ROBO2: variants seen among roughly 807,000 people sequenced by gnomAD.
The protein encoded by ROBO2 is roundabout guidance receptor 2, also known as roundabout homolog 2.
ROBO2 carries 53 observed loss-of-function variants against 160.8 expected under a neutral mutation model. The ratio of observed to expected loss-of-function variants is 0.33; its 90% confidence interval spans 0.26 to 0.41. The LOEUF is 0.41. Ranked by LOEUF, ROBO2 falls within the 10% of genes least tolerant of loss-of-function variation. The pLI, the probability that ROBO2 is intolerant of heterozygous loss-of-function variation, is 1.00. For synonymous variants in ROBO2, 664 were observed against 611.7 expected (o/e 1.09, Z -1.26); for missense variants, 1,577 against 1,722.4 (o/e 0.92, Z 1.49).
chr3:76,898,565 T>C (rs546777956), intron 2 of ROBO2, among the ~76,000 whole-genome samples: 5 of 152,164 alleles, frequency 3.3e-5, no homozygotes, highest in Non-Finnish European at 5.9e-5. Context: ...TATTTGGTAT[T>C]CATCATCTCA....
At chr3:77,637,911 C>A (rs896057568) in intron 24 of ROBO2, among the ~76,000 whole-genome samples, 3 of 151,984 alleles carry the variant, frequency 2.0e-5, no homozygotes, top group African/African-American at 7.2e-5. Context: ...GCTTATCTTT[C>A]TAAAAAATAA....
chr3:76,143,081 C>T (rs1367625610), intron 2 of ROBO2, among the ~76,000 whole-genome samples: 1 of 151,988 alleles, frequency 6.6e-6, no homozygotes, highest in Non-Finnish European at 1.5e-5. Context: ...GGCTGGAGTT[C>T]AATGGCACAA....
At chr3:75,978,153 A>G (rs1291826626) in intron 2 of ROBO2, among the ~76,000 whole-genome samples, 1 of 151,544 alleles carries the variant, frequency 6.6e-6, no homozygotes, top group East Asian at 1.9e-4. Flanking sequence ...GTAGAGAATT[A>G]TAGTAACACT....
At chr3:77,266,237 T>C (rs538810032) in intron 2 of ROBO2, among the ~76,000 whole-genome samples, 8 of 152,166 alleles carry the variant, frequency 5.3e-5, no homozygotes, top group Admixed American at 3.9e-4. Flanking sequence ...CTTGGGCATC[T>C]TTCAGAATCC....
At chr3:76,946,187 T>G (rs1272229682) in intron 2 of ROBO2, among the ~76,000 whole-genome samples, 1 of 152,198 alleles carries the variant, frequency 6.6e-6, no homozygotes, top group African/African-American at 2.4e-5. Flanking sequence ...AAGTTCTGAG[T>G]AGTCATCAGA....
At chr3:77,269,721 A>G (rs1017402619) in intron 2 of ROBO2, among the ~76,000 whole-genome samples, 1 of 152,160 alleles carries the variant, frequency 6.6e-6, no homozygotes, top group South Asian at 2.1e-4. Context: ...CATCTATAAT[A>G]TATGTATTTC....
intron 2 of ROBO2, among the ~76,000 whole-genome samples, chr3:76,545,027 C>T (rs1024175349): frequency 2.0e-5 from 3 of 151,914 alleles, no homozygotes; most frequent in East Asian, 1.9e-4. Context: ...TAAACTTACA[C>T]AGAAGATACA....
At chr3:76,771,976 A>G (rs2061934454) in intron 2 of ROBO2, among the ~76,000 whole-genome samples, 1 of 151,304 alleles carries the variant, frequency 6.6e-6, no homozygotes, top group Admixed American at 6.6e-5. Context: ...TACAAATATT[A>G]TCGTTGCTAC....
intron 2 of ROBO2, among the ~76,000 whole-genome samples, chr3:77,029,776 C>T (rs181365260): frequency 9.1e-4 from 139 of 152,124 alleles, no homozygotes; most frequent in Admixed American, 3.1e-3. Context: ...AAACCACTGG[C>T]CATTGCAATA....
chr3:77,290,114 C>A (rs2061009463), intron 2 of ROBO2, among the ~76,000 whole-genome samples: 1 of 151,894 alleles, frequency 6.6e-6, no homozygotes, highest in Non-Finnish European at 1.5e-5. Flanking sequence ...GAGGCTAGAT[C>A]ACCAAAGACA....
intron 2 of ROBO2, among the ~76,000 whole-genome samples, chr3:76,078,262 A>T (rs1223174812): frequency 6.6e-6 from 1 of 152,154 alleles, no homozygotes; most frequent in African/African-American, 2.4e-5. Flanking sequence ...ACATTTTTTC[A>T]TAGAAACAGA....
At chr3:77,124,618 G>T (rs908937142) in intron 2 of ROBO2, among the ~76,000 whole-genome samples, 1 of 152,000 alleles carries the variant, frequency 6.6e-6, no homozygotes, top group African/African-American at 2.4e-5. Context: ...ATATAATCAG[G>T]GTAGGAAAAA....
At chr3:76,182,879 G>A (rs1559619751) in intron 2 of ROBO2, among the ~76,000 whole-genome samples, 1 of 152,072 alleles carries the variant, frequency 6.6e-6, no homozygotes, top group Non-Finnish European at 1.5e-5. Flanking sequence ...TTTATCACTG[G>A]AAACATTGTC....
At position 77,294,574 on chromosome 3, in the gene ROBO2, TAA is replaced by T. The variant is rs1048537902; in HGVS notation, c.389-182838_389-182837del. Reference sequence around the variant, plus strand: ...AAAGACATAAAGTAAAATTGACGGTTAAACAGGTAAGCTGAGGCTAGATCATC... The same window carrying T: ...AAAGACATAAAGTAAAATTGACGGTTACAGGTAAGCTGAGGCTAGATCATC... On this transcript the variant is annotated intron_variant, in intron 2 of 25. Transcript: ENST00000461745. Among the ~76,000 whole-genome samples the T allele has an allele frequency of 3.4e-5, 5 of 147,328 alleles. 1 individual carries two copies. The highest frequency in any genetic ancestry group is 1.3e-4 in the African/African-American group (5 of 37,832).
chr3:77,628,981 T>C (rs2095097268), intron 23 of ROBO2: 1 of 152,180 alleles, frequency 6.6e-6, no homozygotes, highest in Admixed American at 6.5e-5. Flanking sequence ...CAATACTCAC[T>C]TGAAGCCCTG....
At chr3:77,306,779 A>C (rs1266132537) in intron 2 of ROBO2, among the ~76,000 whole-genome samples, 18 of 152,196 alleles carry the variant, frequency 1.2e-4, no homozygotes, top group Admixed American at 1.2e-3. Flanking sequence ...AATAAATCAG[A>C]GGAATGTTTA....
At chr3:77,481,365 C>G in intron 4 of ROBO2, 146 bp downstream of exon 4, 1 of 575,050 alleles carries the variant, frequency 1.7e-6, no homozygotes, top group Non-Finnish European at 2.6e-6. Context: ...ATCTTGTTTT[C>G]TGTCTTTCTA....
chr3:76,295,386 G>A (rs1480526657), intron 2 of ROBO2, among the ~76,000 whole-genome samples: 1 of 151,892 alleles, frequency 6.6e-6, no homozygotes, highest in Non-Finnish European at 1.5e-5. Flanking sequence ...GGCAAAATTT[G>A]TCATCACTGT....
At chr3:76,495,446 G>T (rs557489031) in intron 2 of ROBO2, among the ~76,000 whole-genome samples, 2 of 152,002 alleles carry the variant, frequency 1.3e-5, no homozygotes, top group African/African-American at 4.8e-5. Context: ...GAAAACTTCA[G>T]TGTCTTACCA....
Sources: gnomAD v4.1 joint callset for allele counts (sites outside exome capture counted in the v4.1 genomes callset) on GRCh38, gnomAD v4.1.1 for gene constraint, MANE v1.5 for transcripts, NCBI Gene and HGNC (gene_info 2026-07-23, HGNC 2026-07-21) for gene names.